Variants in AXDND1 observed in about 807,000 individuals in gnomAD.
AXDND1 encodes the protein axonemal dynein light chain domain containing 1.
In AXDND1, 110 loss-of-function variants were observed where a neutral mutation model predicts 137.5. The observed-to-expected ratio is 0.80, with a 90% CI of 0.69 to 0.94. The LOEUF is 0.94. Among genes scored for constraint, AXDND1 ranks in the 40% least tolerant of loss-of-function variants. AXDND1 has a pLI of 0.00. For synonymous variants in AXDND1, 414 were observed against 399.7 expected (o/e 1.04, Z -0.43); for missense variants, 1,191 against 1,169.8 (o/e 1.02, Z -0.26).
At chr1:179,511,820 T>C (rs1669090716) in intron 21 of AXDND1, among the ~76,000 whole-genome samples, 2 of 152,190 alleles carry the variant, frequency 1.3e-5, no homozygotes, top group South Asian at 2.1e-4. Context: ...TTAGTGAGGC[T>C]GAGCTTTTTT....
Position 179,432,301 on chromosome 1 carries a change from A to C in AXDND1, c.1522A>C (p.Ile508Leu). The C allele has an allele frequency of 6.4e-7, 1 of 1,571,192 alleles. No individual in the cohort carries two copies. The highest frequency in any genetic ancestry group is 2.3e-5 in the East Asian group (1 of 43,974). Reference protein sequence around the residue: ...KDILSPNKGNIFNSVLLDFKQ... With the variant: ...KDILSPNKGNLFNSVLLDFKQ... ...CATTTTATCCCCTAATAAGGGAAAT[A>C]TATTTAATTCAGTTCTTTTAGACTT... Residue 508 changes from isoleucine (I) to leucine (L), a missense_variant, in exon 15 of 26, where the codon ATA (isoleucine) becomes CTA (leucine). By Grantham distance (5) the Ile-to-Leu change is conservative. Transcript: ENST00000367618.
chr1:179,382,671 A>G, intron 6 of AXDND1, 29 bp from the exon 7 acceptor site: 1 of 1,559,946 alleles, frequency 6.4e-7, no homozygotes, highest in Middle Eastern at 1.7e-4. Flanking sequence ...TTTTCTTAAA[A>G]TAACATTTAC....
At chr1:179,457,488 T>G (rs1661582522) in intron 16 of AXDND1, among the ~76,000 whole-genome samples, 2 of 152,246 alleles carry the variant, frequency 1.3e-5, no homozygotes, top group Admixed American at 6.5e-5. Context: ...CAAAATTTAT[T>G]TTGTTCTTAG....
intron 4 of AXDND1, among the ~76,000 whole-genome samples, chr1:179,374,291 G>A (rs1668348678): frequency 6.6e-6 from 1 of 152,172 alleles, no homozygotes; most frequent in African/African-American, 2.4e-5. Flanking sequence ...TCTCACACCA[G>A]TTAGAATGGC....
intron 16 of AXDND1, chr1:179,455,998 C>A: frequency 9.0e-6 from 3 of 331,920 alleles, no homozygotes; most frequent in South Asian, 5.2e-5. Flanking sequence ...GAATGCTTTA[C>A]ACTTTTCACA....
chr1:179,468,725 C>A, intron 17 of AXDND1, 84 bp downstream of exon 17: 1 of 1,097,192 alleles, frequency 9.1e-7, no homozygotes, highest in Non-Finnish European at 1.3e-6. Flanking sequence ...TTCACTTTTT[C>A]AAAGTGTACA....
chr1:179,490,593 C>T (rs1666758813), intron 18 of AXDND1, among the ~76,000 whole-genome samples: 2 of 152,182 alleles, frequency 1.3e-5, no homozygotes, highest in South Asian at 4.1e-4. Flanking sequence ...TGGAAAAGTA[C>T]TACACATACA....
At chr1:179,501,545 A>C (rs1667999465) in intron 20 of AXDND1, among the ~76,000 whole-genome samples, 4 of 152,102 alleles carry the variant, frequency 2.6e-5, no homozygotes, top group Admixed American at 2.6e-4. Flanking sequence ...CCCCATCTCT[A>C]CTAAAAATAC....
At chr1:179,529,022 T>G (rs918394096) in intron 23 of AXDND1, among the ~76,000 whole-genome samples, 1 of 152,188 alleles carries the variant, frequency 6.6e-6, no homozygotes, top group African/African-American at 2.4e-5. Flanking sequence ...CACATACCCA[T>G]AAGAACAATA....
At position 179,424,080 on chromosome 1, in the gene AXDND1, C is replaced by G. The variant is rs143367159; in HGVS notation, c.1231-5438C>G. On this transcript the variant is annotated intron_variant, in intron 12 of 25. Transcript: ENST00000367618. ...CTTGTGTTTGGGAAAGACTATCTCT[C>G]CTTCATATTTAAAGAACAACTTTGC... is the stretch of plus-strand genomic sequence containing the variant. Among the ~76,000 whole-genome samples, 10 of 152,104 alleles carry G rather than the reference C, an allele frequency of 6.6e-5. No homozygotes were observed. The East Asian group carries it at 1.9e-3, about 29-fold the overall frequency.
rs1667404167 is a variant in AXDND1, at chr1:179,366,384, C to CT, written c.-106-14dup. On this transcript the variant is annotated intron_variant, in intron 1 of 25. Coordinates refer to ENST00000367618, the MANE Select transcript of AXDND1 (RefSeq NM_144696.6). Reference sequence around the variant, plus strand: ...GTCATCTTTTTTTTTTTTTTTAAATCTTTTTTCCTCTGCCTGCAGGACTAT... The same window carrying CT: ...GTCATCTTTTTTTTTTTTTTTAAATCTTTTTTTCCTCTGCCTGCAGGACTAT... 4 of 423,710 alleles carry CT rather than the reference C, an allele frequency of 9.4e-6. No homozygotes were observed. Among genetic ancestry groups the CT allele is most frequent in the South Asian group, 6.2e-5 (2 of 32,102 alleles). The allele number at this position is 423,710 out of a possible 1,614,324, so 26.2% of individuals were successfully genotyped here.
intron 11 of AXDND1, among the ~76,000 whole-genome samples, chr1:179,404,204 T>A (rs1382846689): frequency 6.7e-6 from 1 of 150,360 alleles, no homozygotes; most frequent in Non-Finnish European, 1.5e-5. Flanking sequence ...GCTGTGTTCA[T>A]CTGTGAGCTT....
At position 179,428,119 on chromosome 1, in the gene AXDND1, T is replaced by G. The variant is rs188255741; in HGVS notation, c.1231-1399T>G. 2.6e-5 allele frequency among the ~76,000 whole-genome samples: 4 copies of G among 152,362 alleles called. 1 individual carries two copies. In the East Asian group the frequency reaches 7.7e-4, roughly 29 times the overall value. Reference sequence around the variant, plus strand: ...TTCTCTGAAATGGTCAGACCTCATCTAGAATACAGTGTTCCATTCTGATGC... The same window carrying G: ...TTCTCTGAAATGGTCAGACCTCATCGAGAATACAGTGTTCCATTCTGATGC... On this transcript the variant is annotated intron_variant, in intron 12 of 25. Transcript: ENST00000367618.
At chr1:179,419,090 A>T (rs1447421628) in intron 12 of AXDND1, among the ~76,000 whole-genome samples, 1 of 149,868 alleles carries the variant, frequency 6.7e-6, no homozygotes, top group Non-Finnish European at 1.5e-5. Flanking sequence ...CTCACTTCCT[A>T]GATGGGATGG....
chr1:179,496,055 C>T (rs1334184398), intron 20 of AXDND1, among the ~76,000 whole-genome samples: 6 of 151,652 alleles, frequency 4.0e-5, no homozygotes, highest in African/African-American at 4.8e-5. Context: ...TATTGTATTC[C>T]TGGAATAAAC....
chr1:179,522,277 T>C (rs1258271025), intron 21 of AXDND1, among the ~76,000 whole-genome samples: 1 of 152,208 alleles, frequency 6.6e-6, no homozygotes, highest in African/African-American at 2.4e-5. Flanking sequence ...ATTAAACCTT[T>C]CTGTTGAGTT....
In AXDND1 at chr1:179,370,077, A is replaced by G. The variant is rs1366279138; in HGVS notation, c.373A>G (p.Arg125Gly). The G allele has an allele frequency of 1.2e-6, 2 of 1,602,274 alleles. No individual in the cohort carries two copies. Among genetic ancestry groups the G allele is most frequent in the Non-Finnish European group, 1.7e-6 (2 of 1,170,014 alleles). The change falls in exon 4 of 26, where the codon AGG (arginine) becomes GGG (glycine). Residue 125 changes from arginine to glycine, a missense_variant and splice_region_variant. Coordinates refer to ENST00000367618, the MANE Select transcript of AXDND1 (RefSeq NM_144696.6). Reference sequence around the variant, plus strand: ...TCCCGTCTCCCTCACAGGAGCTGGAAGGTAAAGAAGGAAGATAGTAGGATA... The same window carrying G: ...TCCCGTCTCCCTCACAGGAGCTGGAGGGTAAAGAAGGAAGATAGTAGGATA... Reference protein sequence around the residue: ...DHPVSLTGAGRDISFLYDVTY... With the variant: ...DHPVSLTGAGGDISFLYDVTY...
chr1:179,393,345 T>A (rs1024783329), intron 9 of AXDND1, among the ~76,000 whole-genome samples: 1 of 152,264 alleles, frequency 6.6e-6, no homozygotes, highest in Non-Finnish European at 1.5e-5. Context: ...TTTATACCCG[T>A]ACCATGCTGT....
At chr1:179,391,538 T>C (rs1200461740) in intron 9 of AXDND1, among the ~76,000 whole-genome samples, 2 of 151,496 alleles carry the variant, frequency 1.3e-5, no homozygotes, top group African/African-American at 4.9e-5. Flanking sequence ...TATTTACTTA[T>C]TTATTTATTT....
Sources: gnomAD v4.1 joint callset for allele counts (sites outside exome capture counted in the v4.1 genomes callset) on GRCh38, gnomAD v4.1.1 for gene constraint, MANE v1.5 for transcripts, NCBI Gene and HGNC (gene_info 2026-07-23, HGNC 2026-07-21) for gene names.